The following CSMD1 variants were observed in gnomAD, a reference collection of about 807,000 sequenced individuals.
CSMD1 encodes the protein CUB and Sushi multiple domains 1, also known as CUB and sushi domain-containing protein 1.
A neutral mutation model predicts 417.5 loss-of-function variants in CSMD1; 213 were observed. The observed-to-expected ratio is 0.51, with a 90% CI of 0.46 to 0.57. The LOEUF is 0.57. CSMD1 is among the 20% of genes least tolerant of loss of function. The pLI is 0.00. For missense variants in CSMD1, 6,923 were observed against 4,529.7 expected (o/e 1.53, Z -15.17); for synonymous variants, 2,862 against 1,736.8 (o/e 1.65, Z -16.11).
chr8:3,016,227 G>A (rs1808816931), intron 52 of CSMD1, among the ~76,000 whole-genome samples: 1 of 152,126 alleles, frequency 6.6e-6, no homozygotes, highest in Admixed American at 6.6e-5. Flanking sequence ...TTTGGATTAT[G>A]GAGGTATCCA....
At chr8:3,772,544 C>T (rs142142399) in intron 5 of CSMD1, among the ~76,000 whole-genome samples, 1,135 of 47,222 alleles carry the variant, frequency 0.024, 68 homozygotes, top group Middle Eastern at 0.054. Context: ...CATATATACA[C>T]ATATATACAT....
intron 2 of CSMD1, among the ~76,000 whole-genome samples, chr8:4,532,943 A>G (rs1796910278): frequency 6.6e-6 from 1 of 151,684 alleles, no homozygotes; most frequent in South Asian, 2.1e-4. Context: ...ATTCACAGTC[A>G]CTCCGGAAGA....
At chr8:4,007,880 T>C (rs912865314) in intron 4 of CSMD1, among the ~76,000 whole-genome samples, 1 of 152,092 alleles carries the variant, frequency 6.6e-6, no homozygotes, top group African/African-American at 2.4e-5. Flanking sequence ...TAGAGATCTG[T>C]GGCTTTCTTA....
At chr8:4,859,444 A>G (rs553086993) in intron 1 of CSMD1, among the ~76,000 whole-genome samples, 14 of 152,354 alleles carry the variant, frequency 9.2e-5, no homozygotes, top group African/African-American at 3.4e-4. Context: ...TCTGCACAGC[A>G]AAAGAAACTA....
intron 1 of CSMD1, among the ~76,000 whole-genome samples, chr8:4,970,750 T>G (rs993781518): frequency 6.6e-6 from 1 of 152,156 alleles, no homozygotes; most frequent in African/African-American, 2.4e-5. Flanking sequence ...CCGTGGTTCT[T>G]TTTTTGACAA....
intron 1 of CSMD1, among the ~76,000 whole-genome samples, chr8:4,815,385 G>A (rs749741038): frequency 6.6e-5 from 10 of 152,230 alleles, no homozygotes; most frequent in Non-Finnish European, 1.2e-4. Context: ...GCCATGTGGG[G>A]CTACTGTACT....
Position 3,688,348 on chromosome 8 carries a change from T to G in CSMD1, c.1009+20066A>C, listed in dbSNP as rs114064368. ...AGCCTTACAAATGCCAGTAGAAAGT[T>G]TAATCATCCAGTGATATTTATAAAG... On this transcript the variant is annotated intron_variant, in intron 7 of 69. Coordinates refer to ENST00000635120, the MANE Select transcript of CSMD1 (RefSeq NM_033225.6). Among the ~76,000 whole-genome samples, 921 of 152,314 alleles carry G rather than the reference T, an allele frequency of 6.0e-3. 12 individuals are homozygous for G. Among genetic ancestry groups the G allele is most frequent in the African/African-American group, 0.021 (879 of 41,572 alleles).
chr8:3,424,885 G>C (rs1173902224), intron 12 of CSMD1, among the ~76,000 whole-genome samples: 1 of 152,064 alleles, frequency 6.6e-6, no homozygotes, highest in Non-Finnish European at 1.5e-5. Context: ...TGTTTTCCAG[G>C]CTGGGAGCCA....
At chr8:3,466,641 C>G (rs928400453) in intron 12 of CSMD1, among the ~76,000 whole-genome samples, 1 of 145,562 alleles carries the variant, frequency 6.9e-6, no homozygotes, top group Non-Finnish European at 1.5e-5. Flanking sequence ...GTTGGCCAGG[C>G]TGGTCTGGAA....
chr8:3,991,994 G>GA, intron 5 of CSMD1, among the ~76,000 whole-genome samples: 1 of 151,804 alleles, frequency 6.6e-6, no homozygotes, highest in South Asian at 2.1e-4. Flanking sequence ...ATACACTATT[G>GA]AAAAAACATA....
chr8:3,652,409 T>A (rs946590090), intron 7 of CSMD1, among the ~76,000 whole-genome samples: 1 of 152,230 alleles, frequency 6.6e-6, no homozygotes, highest in Non-Finnish European at 1.5e-5. Context: ...TTGACTTGTT[T>A]GTTTCTGTCT....
chr8:4,168,968 C>G (rs578087529), intron 3 of CSMD1, among the ~76,000 whole-genome samples: 4 of 152,282 alleles, frequency 2.6e-5, no homozygotes, highest in African/African-American at 4.8e-5. Flanking sequence ...CTGCTATCCT[C>G]AGGCCGTTCT....
chr8:2,941,081 G>A (rs537035524), intron 69 of CSMD1, among the ~76,000 whole-genome samples: 3 of 152,216 alleles, frequency 2.0e-5, no homozygotes, highest in African/African-American at 4.8e-5. Context: ...AAGGCTCATC[G>A]GACTTGTGTG....
intron 3 of CSMD1, among the ~76,000 whole-genome samples, chr8:4,062,733 T>TG (rs1799041654): frequency 2.7e-5 from 4 of 147,548 alleles, no homozygotes; most frequent in African/African-American, 1.0e-4. Flanking sequence ...ATTATCAAAT[T>TG]CAAAAAAAAA....
intron 3 of CSMD1, among the ~76,000 whole-genome samples, chr8:4,042,863 C>T (rs1797963299): frequency 7.3e-6 from 1 of 136,274 alleles, no homozygotes; most frequent in Admixed American, 7.5e-5. Context: ...CACGGTGGCT[C>T]ATGCCTATAA....
At chr8:4,951,670 T>G (rs1205400188) in intron 1 of CSMD1, among the ~76,000 whole-genome samples, 1 of 151,734 alleles carries the variant, frequency 6.6e-6, no homozygotes, top group Non-Finnish European at 1.5e-5. Flanking sequence ...TTTCCTACTT[T>G]TAGTAAAAAA....
At chr8:2,955,801 T>A in intron 63 of CSMD1, 33 bp from the exon 64 acceptor site, 1 of 1,601,058 alleles carries the variant, frequency 6.2e-7, no homozygotes, top group Non-Finnish European at 8.5e-7. Context: ...TGAGACTTTG[T>A]TTATTGTAAA....
chr8:4,111,467 C>T (rs573171695), intron 3 of CSMD1, among the ~76,000 whole-genome samples: 5 of 152,216 alleles, frequency 3.3e-5, no homozygotes, highest in South Asian at 2.1e-4. Flanking sequence ...AGCACATGCA[C>T]GAGTATGTTC....
chr8:4,154,062 A>G (rs1483071777), intron 3 of CSMD1, among the ~76,000 whole-genome samples: 2 of 152,204 alleles, frequency 1.3e-5, no homozygotes, highest in African/African-American at 4.8e-5. Context: ...CTAAGGAGGT[A>G]ATAAATAAAT....
Sources: gnomAD v4.1 joint callset for allele counts (sites outside exome capture counted in the v4.1 genomes callset) on GRCh38, gnomAD v4.1.1 for gene constraint, MANE v1.5 for transcripts, NCBI Gene and HGNC (gene_info 2026-07-23, HGNC 2026-07-21) for gene names.